Variants in ZNF653 observed in about 807,000 individuals in gnomAD.
ZNF653 encodes 67 kDa zinc finger protein.
In ZNF653, 37 loss-of-function variants were observed where a neutral mutation model predicts 59.9. That is an observed-to-expected ratio of 0.62 (90% CI 0.48 to 0.81). The LOEUF is 0.81. Among genes scored for constraint, ZNF653 ranks in the 40% least tolerant of loss-of-function variants. ZNF653 has a pLI of 0.00. For synonymous variants in ZNF653, 435 were observed against 371.8 expected (o/e 1.17, Z -1.96); for missense variants, 808 against 881.1 (o/e 0.92, Z 1.05).
rs771572165 is a variant in ZNF653, at chr19:11,487,846, T to A, written c.617A>T (p.Asp206Val). 4.3e-6 allele frequency: 7 copies of A among 1,610,374 alleles called. No homozygotes were observed. The highest frequency in any genetic ancestry group is 5.1e-6 in the Non-Finnish European group (6 of 1,178,330). ...SDSSSSGSAS[D>V]SEESPEGQPV... is the part of the protein sequence containing the mutation. Reference sequence around the variant, plus strand: ...CTGGCCCTCAGGAGACTCCTCAGAGTCAGAGGCAGAGCCAGAGCTGGATGA... The same window carrying A: ...CTGGCCCTCAGGAGACTCCTCAGAGACAGAGGCAGAGCCAGAGCTGGATGA... The change falls in exon 4 of 9, where the codon GAC (aspartate) becomes GTC (valine). Residue 206 changes from aspartate (D) to valine (V), a missense_variant. By Grantham distance (152) the Asp-to-Val change is radical (BLOSUM62 -3). Coordinates refer to ENST00000293771, the MANE Select transcript of ZNF653 (RefSeq NM_138783.4). The surrounding 1 kb of genome is among the most constrained non-coding windows in gnomAD (Gnocchi z 5.1).
intron 1 of ZNF653, 25 bp from the exon 2 acceptor site, chr19:11,498,364 G>C: frequency 6.2e-7 from 1 of 1,614,000 alleles, no homozygotes; most frequent in Non-Finnish European, 8.5e-7. Flanking sequence ...GGCAGAGAGG[G>C]TGAACGGGGG....
chr19:11,489,405 G>A (rs543856740), intron 3 of ZNF653, among the ~76,000 whole-genome samples: 15 of 152,228 alleles, frequency 9.9e-5, no homozygotes, highest in African/African-American at 2.6e-4. Context: ...CCCCATTTTG[G>A]CCAGGCTGAT....
chr19:11,489,853 G>T (rs1050039388), intron 3 of ZNF653, among the ~76,000 whole-genome samples: 8 of 152,200 alleles, frequency 5.3e-5, no homozygotes, highest in African/African-American at 1.9e-4. Flanking sequence ...AGTTTATTTG[G>T]TTCTTGCAGG....
chr19:11,484,424 G>A (rs1013317452), intron 7 of ZNF653, among the ~76,000 whole-genome samples: 13 of 151,980 alleles, frequency 8.6e-5, no homozygotes, highest in Admixed American at 2.6e-4. Context: ...ATTTTGCGAC[G>A]GAGTTTCGCT....
At position 11,496,255 on chromosome 19, in the gene ZNF653, C is replaced by A. The variant is rs945437218; in HGVS notation, c.344-90G>T. 52 of 1,352,450 alleles carry A rather than the reference C, an allele frequency of 3.8e-5. No individual in the cohort carries two copies. In the African/African-American group the frequency reaches 7.0e-4, roughly 18 times the overall value. The allele number at this position is 1,352,450 out of a possible 1,614,324, so 83.8% of individuals were successfully genotyped here. A position where few individuals can be genotyped will look rare whatever the true frequency, so the allele number is the denominator to read the frequency against. ...CTGAACCACCGGGGCTTTATGGGTC[C>A]CATGGGTTTGGAGGCCCTCCTGAGT... On this transcript the variant is annotated intron_variant, in intron 2 of 8. Transcript: ENST00000293771.
rs756672778 is a variant in ZNF653, at chr19:11,487,479, G to A, written c.984C>T (p.Asp328=). 46 of 1,613,518 alleles carry A rather than the reference G, an allele frequency of 2.9e-5. No individual in the cohort carries two copies. In the South Asian group the frequency reaches 3.8e-4, roughly 13 times the overall value. Residue 328 remains aspartate, a synonymous_variant, in exon 4 of 9, where the codon GAC becomes GAT. Transcript: ENST00000293771. The surrounding 1 kb of genome is among the most constrained non-coding windows in gnomAD (Gnocchi z 5.1). ...QVIIIAGPGY[D]ALTAEGIHLN... The stretch of plus-strand genomic sequence containing the variant: ...GGTGAATGCCCTCGGCCGTGAGAGC[G>A]TCGTAACCAGGGCCCGCAATGATGA...
In ZNF653 at chr19:11,496,015, C is replaced by A; in HGVS notation, c.494G>T (p.Arg165Leu). The A allele has an allele frequency of 6.2e-7, 1 of 1,614,160 alleles. No individual in the cohort carries two copies. Among genetic ancestry groups the A allele is most frequent in the Non-Finnish European group, 8.5e-7 (1 of 1,180,012 alleles). ...TAVWQCEAGH[R>L]YFQDLHSPLK... ...GGGCGAATGCAGGTCCTGGAAGTAG[C>A]GGTGGCCAGCTTCGCACTGCCACAC... The change falls in exon 3 of 9, where the codon CGC (arginine) becomes CTC (leucine). Residue 165 changes from arginine to leucine, a missense_variant. Transcript: ENST00000293771.
intron 1 of ZNF653, among the ~76,000 whole-genome samples, chr19:11,499,974 A>T (rs892026702): frequency 1.3e-5 from 2 of 152,188 alleles, no homozygotes; most frequent in Non-Finnish European, 2.9e-5. Context: ...CAGCCCTGTC[A>T]CTTAATCATC....
chr19:11,488,421 T>C (rs1320577983), intron 3 of ZNF653, among the ~76,000 whole-genome samples: 1 of 151,750 alleles, frequency 6.6e-6, no homozygotes, highest in African/African-American at 2.4e-5. Flanking sequence ...ATTACAGGTG[T>C]GAGCCACCGC....
intron 3 of ZNF653, among the ~76,000 whole-genome samples, chr19:11,494,381 AAACATAACAT>A (rs1555737003): frequency 0.013 from 1,711 of 132,730 alleles, 36 homozygotes; most frequent in Admixed American, 0.045. Flanking sequence ...ACATAACATA[AAACATAACAT>A]AACATAACAT....
chr19:11,502,218 A>G (rs1161330125), intron 1 of ZNF653, among the ~76,000 whole-genome samples: 1 of 151,592 alleles, frequency 6.6e-6, no homozygotes, highest in East Asian at 1.9e-4. Flanking sequence ...CAGCCTCCCA[A>G]GCAGCTGCGA....
intron 3 of ZNF653, among the ~76,000 whole-genome samples, chr19:11,491,809 C>G (rs977872350): frequency 1.3e-5 from 2 of 152,048 alleles, no homozygotes; most frequent in East Asian, 1.9e-4. Context: ...GATCTCCTGA[C>G]CTCATGATCC....
chr19:11,487,286 C>G lies in ZNF653; in HGVS notation c.1171+6G>C, dbSNP rs1187684867. On this transcript the variant is annotated splice_donor_region_variant and intron_variant, in intron 4 of 8. Coordinates refer to ENST00000293771, the MANE Select transcript of ZNF653 (RefSeq NM_138783.4). This position sits in a 1 kb window ranked among gnomAD's most constrained non-coding sequence, Gnocchi z 5.1. ...CTGGCCAGAGGCCACGACAGGTCCCCCAGACCTTTCTTGGTCTCGATGCCT... is the reference window on the plus strand; with the variant it reads ...CTGGCCAGAGGCCACGACAGGTCCCGCAGACCTTTCTTGGTCTCGATGCCT... 3 of 1,609,632 alleles carry G rather than the reference C, an allele frequency of 1.9e-6. No homozygotes were observed.
chr19:11,497,794 C>T (rs1277520062), intron 2 of ZNF653, among the ~76,000 whole-genome samples: 1 of 152,194 alleles, frequency 6.6e-6, no homozygotes, highest in African/African-American at 2.4e-5. Context: ...CCTCAATGCG[C>T]TCCTCATCCC....
Position 11,505,727 on chromosome 19 carries a change from C to T in ZNF653, c.60G>A (p.Gly20=). 6.9e-7 allele frequency: 1 copy of T among 1,458,334 alleles called. No homozygotes were observed. The highest frequency in any genetic ancestry group is 2.9e-5 in the East Asian group (1 of 34,420). 90.3% of individuals were successfully genotyped at this position (1,458,334 alleles called of 1,614,324 possible). Residue 20 remains glycine (G), a synonymous_variant, in exon 1 of 9, where the codon GGG becomes GGA. Transcript: ENST00000293771. The stretch of plus-strand genomic sequence containing the variant: ...CTGCGCCCTCCTCGGCTGCTGCCTC[C>T]CCGCCCGCGCCCGCCTCAGCCTCCG... ...AEAEAEAGAG[G]EAAAEEGAAG...
chr19:11,502,952 T>G lies in ZNF653; in HGVS notation c.299+2536A>C, dbSNP rs1318284733. 2.0e-5 allele frequency among the ~76,000 whole-genome samples: 3 copies of G among 151,436 alleles called. No individual in the cohort carries two copies. In the East Asian group the frequency reaches 5.8e-4, roughly 29 times the overall value. ...GGGAGGCTGAGGCAGGAGAATCGCT[T>G]GAACGCGGGAGGCAGAGGTTGCAGT... On this transcript the variant is annotated intron_variant, in intron 1 of 8. Transcript: ENST00000293771.
intron 3 of ZNF653, among the ~76,000 whole-genome samples, chr19:11,493,531 CCT>C (rs1313903971): frequency 1.3e-5 from 2 of 152,090 alleles, no homozygotes; most frequent in African/African-American, 4.8e-5. Context: ...AGGATCAGCC[CCT>C]CTTTCTGGAT....
chr19:11,492,382 C>T (rs981501237), intron 3 of ZNF653, among the ~76,000 whole-genome samples: 6 of 152,106 alleles, frequency 3.9e-5, no homozygotes, highest in Admixed American at 2.6e-4. Flanking sequence ...CAGTGTCTCC[C>T]TCTGTCACCT....
intron 6 of ZNF653, among the ~76,000 whole-genome samples, chr19:11,486,041 C>T (rs190763104): frequency 7.9e-5 from 12 of 152,292 alleles, no homozygotes; most frequent in East Asian, 5.8e-4. Context: ...GCTCCACCCC[C>T]CCGGGTTCAC....
Sources: gnomAD v4.1 joint callset for allele counts (sites outside exome capture counted in the v4.1 genomes callset) on GRCh38, gnomAD v4.1.1 for gene constraint, Gnocchi (gnomAD v3.1) non-coding constraint, MANE v1.5 for transcripts, NCBI Gene and HGNC (gene_info 2026-07-23, HGNC 2026-07-21) for gene names.